The following SGCZ variants were observed in gnomAD, a reference collection of about 807,000 sequenced individuals.
SGCZ encodes zeta-sarcoglycan.
SGCZ carries 40 observed loss-of-function variants against 41.3 expected under a neutral mutation model. The observed-to-expected ratio is 0.97, with a 90% CI of 0.75 to 1.26. SGCZ has a LOEUF of 1.26. Ranked by LOEUF, SGCZ falls within the 50% of genes most tolerant of loss-of-function variation. SGCZ has a pLI of 0.00. For synonymous variants in SGCZ, 206 were observed against 137.5 expected (o/e 1.50, Z -3.49); for missense variants, 552 against 369.8 (o/e 1.49, Z -4.04).
At chr8:15,132,098 A>G (rs572494711) in intron 1 of SGCZ, among the ~76,000 whole-genome samples, 10 of 152,334 alleles carry the variant, frequency 6.6e-5, no homozygotes, top group African/African-American at 2.4e-4. Context: ...TTGCTTACTT[A>G]AAGCCATTAG....
At chr8:14,560,764 T>G (rs1804183843) in intron 1 of SGCZ, among the ~76,000 whole-genome samples, 1 of 152,080 alleles carries the variant, frequency 6.6e-6, no homozygotes, top group African/African-American at 2.4e-5. Context: ...AAATTTTTTT[T>G]GGTAAAGCAA....
chr8:14,225,602 G>A (rs1212852738), intron 4 of SGCZ, among the ~76,000 whole-genome samples: 1 of 152,054 alleles, frequency 6.6e-6, no homozygotes, highest in African/African-American at 2.4e-5. Flanking sequence ...AAAAGTCAGA[G>A]GGATAGATTT....
chr8:14,740,718 G>A (rs1799176920), intron 1 of SGCZ, among the ~76,000 whole-genome samples: 1 of 151,732 alleles, frequency 6.6e-6, no homozygotes, highest in South Asian at 2.1e-4. Context: ...ATCACAAAGG[G>A]GAATAAAATT....
At chr8:14,366,961 C>G (rs190933279) in intron 2 of SGCZ, among the ~76,000 whole-genome samples, 1 of 152,260 alleles carries the variant, frequency 6.6e-6, no homozygotes, top group Non-Finnish European at 1.5e-5. Context: ...CTCTTCATTA[C>G]TTATGCAAAT....
At chr8:14,595,528 A>T (rs1303508670) in intron 1 of SGCZ, among the ~76,000 whole-genome samples, 1 of 152,076 alleles carries the variant, frequency 6.6e-6, no homozygotes, top group Non-Finnish European at 1.5e-5. Context: ...CAGATAGAAC[A>T]GTGGACTGAA....
At chr8:14,618,221 T>TA in intron 1 of SGCZ, among the ~76,000 whole-genome samples, 1 of 152,080 alleles carries the variant, frequency 6.6e-6, no homozygotes, top group Non-Finnish European at 1.5e-5. Flanking sequence ...CAACCATAAT[T>TA]AAAAGGTAAA....
At chr8:15,023,673 G>A (rs947806976) in intron 1 of SGCZ, among the ~76,000 whole-genome samples, 11 of 152,018 alleles carry the variant, frequency 7.2e-5, no homozygotes, top group African/African-American at 1.5e-4. Context: ...GCAAGAGACC[G>A]GAAATTATCT....
chr8:15,204,898 C>A (rs921415200), intron 1 of SGCZ, among the ~76,000 whole-genome samples: 1 of 152,158 alleles, frequency 6.6e-6, no homozygotes, highest in African/African-American at 2.4e-5. Context: ...CTAAAAATTT[C>A]ACAGACATTA....
chr8:14,638,202 T>G (rs1406281441), intron 1 of SGCZ, among the ~76,000 whole-genome samples: 1 of 151,848 alleles, frequency 6.6e-6, no homozygotes, highest in Non-Finnish European at 1.5e-5. Context: ...GTTCCCAACT[T>G]TTTTCAGTTT....
intron 1 of SGCZ, among the ~76,000 whole-genome samples, chr8:15,093,087 C>T (rs1274813602): frequency 6.6e-6 from 1 of 152,090 alleles, no homozygotes; most frequent in Non-Finnish European, 1.5e-5. Context: ...GGACCCTGGC[C>T]CTCCTCCTTA....
intron 1 of SGCZ, among the ~76,000 whole-genome samples, chr8:14,976,617 C>T (rs1471518206): frequency 6.6e-6 from 1 of 152,162 alleles, no homozygotes; most frequent in African/African-American, 2.4e-5. Context: ...CACAGTTTCA[C>T]TTGTAACAAC....
intron 1 of SGCZ, among the ~76,000 whole-genome samples, chr8:14,990,996 C>A (rs913113709): frequency 3.0e-4 from 45 of 152,124 alleles, no homozygotes; most frequent in African/African-American, 1.1e-3. Flanking sequence ...CCTAACATTG[C>A]TTACACATGA....
At chr8:14,896,445 A>C (rs547535383) in intron 1 of SGCZ, among the ~76,000 whole-genome samples, 4 of 151,678 alleles carry the variant, frequency 2.6e-5, no homozygotes, top group Non-Finnish European at 5.9e-5. Context: ...ACTTTTATTT[A>C]TTTATTTATT....
At chr8:14,499,451 G>C (rs1802088824) in intron 2 of SGCZ, among the ~76,000 whole-genome samples, 1 of 151,456 alleles carries the variant, frequency 6.6e-6, no homozygotes, top group Admixed American at 6.6e-5. Flanking sequence ...TTATTTTGTA[G>C]ATTATTTGCA....
intron 1 of SGCZ, among the ~76,000 whole-genome samples, chr8:14,826,093 C>G (rs1324123009): frequency 1.5e-5 from 2 of 136,004 alleles, no homozygotes; most frequent in African/African-American, 2.7e-5. Flanking sequence ...CCCCCCTCCC[C>G]CCACCTATGT....
chr8:14,839,808 A>G (rs970087446), intron 1 of SGCZ, among the ~76,000 whole-genome samples: 3 of 152,158 alleles, frequency 2.0e-5, no homozygotes, highest in African/African-American at 2.4e-5. Context: ...TTAGTTATTT[A>G]TGTATCTATT....
chr8:15,077,028 C>G (rs895694993), intron 1 of SGCZ, among the ~76,000 whole-genome samples: 1 of 151,988 alleles, frequency 6.6e-6, no homozygotes, highest in African/African-American at 2.4e-5. Flanking sequence ...AGTTACGACG[C>G]CAAAAGGAAA....
intron 3 of SGCZ, among the ~76,000 whole-genome samples, chr8:14,296,804 C>A (rs1051273897): frequency 6.6e-6 from 1 of 151,858 alleles, no homozygotes; most frequent in Non-Finnish European, 1.5e-5. Context: ...AAAAATTAGA[C>A]GAATTTAAAA....
intron 1 of SGCZ, among the ~76,000 whole-genome samples, chr8:15,201,369 G>T (rs972483634): frequency 6.6e-6 from 1 of 152,158 alleles, no homozygotes; most frequent in Non-Finnish European, 1.5e-5. Flanking sequence ...ACCTGCCGAT[G>T]ACTCATAGTT....
Sources: allele counts gnomAD v4.1 joint callset (sites outside exome capture counted in the v4.1 genomes callset), GRCh38; gene constraint gnomAD v4.1.1; transcripts MANE v1.5; gene names NCBI Gene and HGNC (gene_info 2026-07-23, HGNC 2026-07-21).